Variants in STK24 observed in about 807,000 individuals in gnomAD.
STK24 encodes the protein serine/threonine kinase 24.
STK24 carries 21 observed loss-of-function variants against 55.6 expected under a neutral mutation model. The observed-to-expected ratio is 0.38, with a 90% CI of 0.27 to 0.54. STK24 has a LOEUF of 0.54. STK24 is among the 20% of genes least tolerant of loss of function. The pLI is 0.79. For missense variants in STK24, 383 were observed against 538.4 expected (o/e 0.71, Z 2.86); for synonymous variants, 200 against 215.2 (o/e 0.93, Z 0.62).
intron 3 of STK24, 22 bp from the exon 4 acceptor site, chr13:98,475,380 TAA>T: frequency 6.7e-7 from 1 of 1,498,916 alleles, no homozygotes; most frequent in Middle Eastern, 1.9e-4. Flanking sequence ...AAAAAATTCT[TAA>T]AGTTACTTAA....
At chr13:98,486,407 A>G (rs1227193754) in intron 2 of STK24, among the ~76,000 whole-genome samples, 1 of 152,146 alleles carries the variant, frequency 6.6e-6, no homozygotes, top group Admixed American at 6.5e-5. Flanking sequence ...TTCTACCACT[A>G]CCAATCCTAA....
intron 1 of STK24, among the ~76,000 whole-genome samples, chr13:98,547,023 T>C (rs1161575869): frequency 3.3e-5 from 5 of 152,166 alleles, no homozygotes; most frequent in Non-Finnish European, 7.4e-5. Context: ...GCAATTCTCC[T>C]GCCTCAGCCT....
intron 2 of STK24, among the ~76,000 whole-genome samples, chr13:98,514,767 G>T (rs1895997904): frequency 6.6e-6 from 1 of 152,158 alleles, no homozygotes; most frequent in Non-Finnish European, 1.5e-5. Context: ...TATCATAAAA[G>T]AAAATGATAA....
At chr13:98,532,490 T>G (rs1896607597) in intron 1 of STK24, among the ~76,000 whole-genome samples, 1 of 148,978 alleles carries the variant, frequency 6.7e-6, no homozygotes, top group Non-Finnish European at 1.5e-5. Context: ...CACACACACA[T>G]CCCATACCCA....
At chr13:98,457,460 A>G (rs891926940) in intron 9 of STK24, among the ~76,000 whole-genome samples, 156 bp from the exon 10 acceptor site, 4 of 143,110 alleles carry the variant, frequency 2.8e-5, no homozygotes, top group African/African-American at 1.0e-4. Context: ...GGCCACTTCA[A>G]ATTGCTTTTT....
intron 10 of STK24, chr13:98,456,697 A>G (rs905302224): frequency 1.1e-5 from 4 of 376,886 alleles, no homozygotes; most frequent in Non-Finnish European, 2.1e-5. Context: ...ACCCCTACCA[A>G]GGAGGCTTCC....
chr13:98,489,225 C>T (rs1415759518), intron 2 of STK24, among the ~76,000 whole-genome samples: 1 of 152,204 alleles, frequency 6.6e-6, no homozygotes, highest in Non-Finnish European at 1.5e-5. Flanking sequence ...GCCGTGTACA[C>T]AGCAAGACTC....
chr13:98,456,102 A>G (rs1286123391), intron 10 of STK24: 3 of 154,010 alleles, frequency 1.9e-5, no homozygotes, highest in African/African-American at 2.4e-5. Context: ...TTTATTTTCT[A>G]GCAACTTAAA....
intron 1 of STK24, among the ~76,000 whole-genome samples, chr13:98,531,553 C>T (rs1323181889): frequency 3.3e-5 from 5 of 152,136 alleles, no homozygotes; most frequent in African/African-American, 9.7e-5. Flanking sequence ...CACACACCAG[C>T]CAACCCTAGA....
rs143487848 is a variant in STK24, at chr13:98,487,510, G to A, written c.274-5189C>T. Among the ~76,000 whole-genome samples the A allele has an allele frequency of 5.9e-4, 89 of 150,068 alleles. No individual in the cohort carries two copies. In the East Asian group the frequency reaches 0.017, roughly 28 times the overall value. ...GCCCCCATTACCCAGCAAACCAACC[G>A]TCCCTGCCCCAGCAAGTCATCACGA... is the stretch of plus-strand genomic sequence containing the variant. On this transcript the variant is annotated intron_variant, in intron 2 of 10. Transcript: ENST00000539966.
intron 1 of STK24, among the ~76,000 whole-genome samples, chr13:98,535,518 A>C (rs1188528608): frequency 6.6e-6 from 1 of 152,106 alleles, no homozygotes; most frequent in Non-Finnish European, 1.5e-5. Context: ...TGCAAACAAA[A>C]GCCATGGAAA....
intron 1 of STK24, among the ~76,000 whole-genome samples, chr13:98,527,206 T>C (rs1896455685): frequency 6.6e-6 from 1 of 152,146 alleles, no homozygotes; most frequent in Non-Finnish European, 1.5e-5. Context: ...CTGGGCGTGG[T>C]GGCTCACACC....
chr13:98,492,076 C>CGTGTGTGTGTGT (rs56956881), intron 2 of STK24, among the ~76,000 whole-genome samples: 7 of 149,522 alleles, frequency 4.7e-5, no homozygotes, highest in African/African-American at 1.7e-4. Context: ...AGTGCGTGCG[C>CGTGTGTGTGTGT]GTGTGTGTGT....
chr13:98,488,164 C>CGAAG (rs1187497715), intron 2 of STK24, among the ~76,000 whole-genome samples: 3 of 108,934 alleles, frequency 2.8e-5, no homozygotes. Flanking sequence ...GATGAAGACA[C>CGAAG]ACACACACAC....
chr13:98,573,977 C>T (rs1274353977), intron 1 of STK24, among the ~76,000 whole-genome samples: 3 of 152,126 alleles, frequency 2.0e-5, no homozygotes, highest in Non-Finnish European at 4.4e-5. Flanking sequence ...AGCATCCTTG[C>T]CTAGGCCACC....
At chr13:98,476,970 T>C (rs1378888738) in intron 3 of STK24, among the ~76,000 whole-genome samples, 3 of 152,228 alleles carry the variant, frequency 2.0e-5, no homozygotes, top group African/African-American at 7.2e-5. Context: ...CGCACACATA[T>C]GCTCAGAGAA....
chr13:98,552,216 G>C (rs559056563), intron 1 of STK24, among the ~76,000 whole-genome samples: 1 of 152,056 alleles, frequency 6.6e-6, no homozygotes, highest in Admixed American at 6.5e-5. Context: ...TTATTAAAAG[G>C]AATCTTTACA....
At chr13:98,458,897 TACACAATAA>T (rs1181154364) in intron 9 of STK24, among the ~76,000 whole-genome samples, 1 of 152,212 alleles carries the variant, frequency 6.6e-6, no homozygotes, top group Admixed American at 6.5e-5. Flanking sequence ...TATGAAATAA[TACACAATAA>T]ACACTCTGAA....
intron 1 of STK24, among the ~76,000 whole-genome samples, chr13:98,546,899 T>TTC (rs66593826): frequency 9.2e-5 from 1 of 10,846 alleles, no homozygotes; most frequent in Non-Finnish European, 3.0e-4. Context: ...TATCTAATTG[T>TTC]TGTTTTTTTT....
Sources: gnomAD v4.1 joint callset for allele counts (sites outside exome capture counted in the v4.1 genomes callset) on GRCh38, gnomAD v4.1.1 for gene constraint, MANE v1.5 for transcripts, NCBI Gene and HGNC (gene_info 2026-07-23, HGNC 2026-07-21) for gene names.